PMS1: variants seen among roughly 807,000 people sequenced by gnomAD.
The protein encoded by PMS1 is PMS1 protein homolog 1.
In PMS1, 79 loss-of-function variants were observed where a neutral mutation model predicts 93.1. The ratio of observed to expected loss-of-function variants is 0.85; its 90% CI spans 0.71 to 1.02. The LOEUF (loss-of-function observed/expected upper bound fraction) is 1.02. PMS1 is among the 50% of genes least tolerant of loss of function. The probability of loss-of-function intolerance (pLI) is 0.00; values close to 1 mark genes in which losing one functional copy is unlikely to be tolerated. For synonymous variants in PMS1, 335 were observed against 363.4 expected (o/e 0.92, Z 0.89); for missense variants, 1,064 against 1,085.3 (o/e 0.98, Z 0.28).
chr2:189,854,191 C>T (rs373085186), intron 8 of PMS1, 48 bp from the exon 9 acceptor site: 199 of 1,450,454 alleles, frequency 1.4e-4, no homozygotes, highest in Middle Eastern at 2.4e-4. Flanking sequence ...AAAATCTTGT[C>T]TATTATTTTC....
chr2:189,825,682 C>T (rs944987096), intron 5 of PMS1, among the ~76,000 whole-genome samples: 1 of 151,950 alleles, frequency 6.6e-6, no homozygotes, highest in Non-Finnish European at 1.5e-5. Flanking sequence ...AATTAGAGGC[C>T]CACTGGTATT....
At chr2:189,814,325 AT>A (rs1421429776) in intron 4 of PMS1, among the ~76,000 whole-genome samples, 8 of 151,814 alleles carry the variant, frequency 5.3e-5, no homozygotes, top group Non-Finnish European at 7.4e-5. Context: ...CCAAAAAAAA[AT>A]CATTAGTAAT....
At chr2:189,826,046 G>A (rs1348018296) in intron 5 of PMS1, among the ~76,000 whole-genome samples, 1 of 152,180 alleles carries the variant, frequency 6.6e-6, no homozygotes, top group Non-Finnish European at 1.5e-5. Flanking sequence ...AGATAAATAA[G>A]TGATGCCCTA....
chr2:189,809,447 CTTTTTTTTTTTTTTTT>C (rs972672920), intron 4 of PMS1, among the ~76,000 whole-genome samples: 2 of 63,434 alleles, frequency 3.2e-5, no homozygotes, highest in South Asian at 5.8e-4. Flanking sequence ...AAGCACATTT[CTTTTTTTTTTTTTTTT>C]TTTTTTTTTT....
chr2:189,839,102 A>G (rs2053617931), intron 5 of PMS1, among the ~76,000 whole-genome samples: 3 of 151,704 alleles, frequency 2.0e-5, no homozygotes, highest in Admixed American at 6.6e-5. Flanking sequence ...AGTGATTCTC[A>G]TGCCTTAGCC....
rs375164425 is a variant in PMS1 at position 189,852,769 on chromosome 2, A to G, written c.814A>G (p.Ile272Val). 3 of 1,585,598 alleles carry G rather than the reference A, an allele frequency of 1.9e-6. No homozygotes were observed. The highest frequency in any genetic ancestry group is 2.6e-6 in the Non-Finnish European group (3 of 1,154,362). The change falls in exon 7 of 13, where the codon ATC (isoleucine) becomes GTC (valine). Residue 272 changes from isoleucine to valine, a missense_variant. Ile to Val is a conservative substitution (Grantham distance 29). Coordinates refer to ENST00000441310, the MANE Select transcript of PMS1 (RefSeq NM_000534.5). ...INSRPVHQKD[I>V]LKLIRHHYNL... ...CAGTCGACCAGTACATCAAAAAGAT[A>G]TCTTAAAGGTAGTATGCTTTAGAAA...
chr2:189,805,342 T>TG (rs5743014), intron 3 of PMS1, among the ~76,000 whole-genome samples: 304 of 152,308 alleles, frequency 2.0e-3, no homozygotes, highest in South Asian at 4.3e-3. Flanking sequence ...TTGAAGTACT[T>TG]GCTTTTACAG....
intron 5 of PMS1, among the ~76,000 whole-genome samples, chr2:189,837,565 C>T (rs553033172): frequency 6.6e-6 from 1 of 152,258 alleles, no homozygotes; most frequent in Admixed American, 6.5e-5. Flanking sequence ...AAAACTAGAG[C>T]CATAATAGCA....
intron 8 of PMS1, 64 bp downstream of exon 8, chr2:189,854,146 A>C (rs1174411551): frequency 1.4e-6 from 2 of 1,388,280 alleles, no homozygotes; most frequent in Non-Finnish European, 2.0e-6. Context: ...TTTTCATATA[A>C]AAAGATTTGT....
intron 5 of PMS1, among the ~76,000 whole-genome samples, chr2:189,833,120 T>G (rs2053099704): frequency 6.6e-6 from 1 of 152,212 alleles, no homozygotes; most frequent in South Asian, 2.1e-4. Flanking sequence ...AACTTCTTTT[T>G]CTTCTTCCTT....
At chr2:189,857,528 G>A (rs188106959) in intron 9 of PMS1, 1 of 463,064 alleles carries the variant, frequency 2.2e-6, no homozygotes, top group East Asian at 7.1e-5. Context: ...TATGAGAGTA[G>A]ACGCCTCTTC....
intron 11 of PMS1, among the ~76,000 whole-genome samples, chr2:189,870,592 C>T (rs778310042): frequency 1.3e-5 from 2 of 152,140 alleles, no homozygotes; most frequent in Admixed American, 6.5e-5. Context: ...TTTCCTTATT[C>T]GTTGCCAAGT....
At chr2:189,834,499 ATTG>A (rs1442110255) in intron 5 of PMS1, among the ~76,000 whole-genome samples, 1 of 152,198 alleles carries the variant, frequency 6.6e-6, no homozygotes, top group Non-Finnish European at 1.5e-5. Flanking sequence ...ATTATGTTTA[ATTG>A]TTGTTAAGAA....
intron 12 of PMS1, among the ~76,000 whole-genome samples, chr2:189,873,924 T>A (rs1401018979): frequency 6.6e-6 from 1 of 152,166 alleles, no homozygotes; most frequent in South Asian, 2.1e-4. Flanking sequence ...CTGGAAAAAC[T>A]CTTCCACAAA....
intron 9 of PMS1, among the ~76,000 whole-genome samples, chr2:189,857,719 A>C (rs1212046649): frequency 6.6e-6 from 1 of 152,054 alleles, no homozygotes; most frequent in Non-Finnish European, 1.5e-5. Flanking sequence ...TACTTTCCCA[A>C]CTCATGAATG....
At chr2:189,812,356 A>T (rs2050921754) in intron 4 of PMS1, among the ~76,000 whole-genome samples, 1 of 152,202 alleles carries the variant, frequency 6.6e-6, no homozygotes, top group African/African-American at 2.4e-5. Context: ...ACCAGTAAAA[A>T]TGTTTAAAGA....
chr2:189,831,109 T>C (rs892934896), intron 5 of PMS1, among the ~76,000 whole-genome samples: 1 of 152,094 alleles, frequency 6.6e-6, no homozygotes, highest in Non-Finnish European at 1.5e-5. Context: ...TAAGTAGAGA[T>C]AGAGAAATAG....
At chr2:189,812,121 C>T (rs1222777210) in intron 4 of PMS1, among the ~76,000 whole-genome samples, 2 of 152,010 alleles carry the variant, frequency 1.3e-5, no homozygotes, top group African/African-American at 2.4e-5. Context: ...GCCAACATGG[C>T]GAAACCCTGT....
At chr2:189,860,378 C>T (rs929510166) in intron 9 of PMS1, among the ~76,000 whole-genome samples, 3 of 151,342 alleles carry the variant, frequency 2.0e-5, no homozygotes, top group South Asian at 4.2e-4. Context: ...ATTTTTGTGA[C>T]TCATCCATGT....
Sources: gnomAD v4.1 joint callset for allele counts (sites outside exome capture counted in the v4.1 genomes callset) on GRCh38, gnomAD v4.1.1 for gene constraint, MANE v1.5 for transcripts, NCBI Gene and HGNC (gene_info 2026-07-23, HGNC 2026-07-21) for gene names.